MECOM: variants seen among roughly 807,000 people sequenced by gnomAD.
The protein encoded by MECOM is histone-lysine N-methyltransferase MECOM.
MECOM carries 13 observed loss-of-function variants against 116.3 expected under a neutral mutation model. The observed-to-expected ratio is 0.11, with a 90% CI of 0.07 to 0.18. The LOEUF (loss-of-function observed/expected upper bound fraction) is 0.18, where lower values mean the gene tolerates loss of function less well. MECOM is among the 10% of genes least tolerant of loss of function. The pLI, the probability that MECOM is intolerant of heterozygous loss-of-function variation, is 1.00. For synonymous variants in MECOM, 528 were observed against 535.2 expected (o/e 0.99, Z 0.19); for missense variants, 1,299 against 1,509.0 (o/e 0.86, Z 2.31).
intron 1 of MECOM, among the ~76,000 whole-genome samples, chr3:169,464,413 A>C (rs988788553): frequency 6.6e-6 from 1 of 152,104 alleles, no homozygotes; most frequent in African/African-American, 2.4e-5. Context: ...TCAAAACACT[A>C]TCCAAAAAAT....
intron 1 of MECOM, among the ~76,000 whole-genome samples, chr3:169,589,370 A>G (rs998957003): frequency 7.2e-5 from 11 of 152,096 alleles, no homozygotes; most frequent in African/African-American, 2.7e-4. Context: ...TGAAAATTTC[A>G]TAGATTGACA....
chr3:169,591,575 C>T (rs1291206638), intron 1 of MECOM, among the ~76,000 whole-genome samples: 1 of 152,178 alleles, frequency 6.6e-6, no homozygotes, highest in African/African-American at 2.4e-5. Flanking sequence ...CCTCTTCTGT[C>T]TGAGTCCAAA....
At chr3:169,579,849 A>G (rs1764912622) in intron 1 of MECOM, among the ~76,000 whole-genome samples, 1 of 152,206 alleles carries the variant, frequency 6.6e-6, no homozygotes, top group South Asian at 2.1e-4. Context: ...AGGAGACACA[A>G]AAGAATGCCA....
At chr3:169,166,839 G>T (rs1743673914) in intron 2 of MECOM, among the ~76,000 whole-genome samples, 1 of 152,164 alleles carries the variant, frequency 6.6e-6, no homozygotes, top group Non-Finnish European at 1.5e-5. Flanking sequence ...ATTATTGATT[G>T]ATTGAGACAG....
intron 2 of MECOM, among the ~76,000 whole-genome samples, chr3:169,263,763 T>A (rs1757924334): frequency 6.6e-6 from 1 of 152,172 alleles, no homozygotes; most frequent in South Asian, 2.1e-4. Context: ...TGTCTTTCTT[T>A]TTGTTTTAGC....
At chr3:169,218,265 A>G (rs1751667961) in intron 2 of MECOM, among the ~76,000 whole-genome samples, 1 of 152,234 alleles carries the variant, frequency 6.6e-6, no homozygotes, top group South Asian at 2.1e-4. Flanking sequence ...TTCATTTTTC[A>G]GAATGATCTT....
chr3:169,554,881 G>A (rs564155692), intron 1 of MECOM, among the ~76,000 whole-genome samples: 1 of 152,300 alleles, frequency 6.6e-6, no homozygotes, highest in African/African-American at 2.4e-5. Context: ...CAGTGATCCC[G>A]AGAGCAATGG....
At chr3:169,555,402 T>C (rs1262392710) in intron 1 of MECOM, among the ~76,000 whole-genome samples, 1 of 152,080 alleles carries the variant, frequency 6.6e-6, no homozygotes, top group Non-Finnish European at 1.5e-5. Context: ...GAGAAGGAAA[T>C]GGCCAGCCCC....
At chr3:169,322,360 T>G (rs987158978) in intron 2 of MECOM, among the ~76,000 whole-genome samples, 1 of 152,210 alleles carries the variant, frequency 6.6e-6, no homozygotes. Context: ...CAATTTTATT[T>G]TATTCATTCA....
rs138894990 is a variant in MECOM, at chr3:169,295,414, T to C, written c.375+85773A>G. On this transcript the variant is annotated intron_variant, in intron 2 of 16. Coordinates refer to ENST00000651503, the MANE Select transcript of MECOM (RefSeq NM_004991.4). ...GCTATTCTAAAATTATAAAGTGGTA[T>C]CAGAAATGTCTCAGATGATGATGTA... is the stretch of plus-strand genomic sequence containing the variant. Among the ~76,000 whole-genome samples the C allele has an allele frequency of 1.6e-3, 245 of 152,304 alleles. 5 individuals are homozygous for C. The East Asian group carries it at 0.045, about 28-fold the overall frequency.
chr3:169,244,801 A>G, intron 2 of MECOM, among the ~76,000 whole-genome samples: 1 of 152,236 alleles, frequency 6.6e-6, no homozygotes, highest in East Asian at 1.9e-4. Flanking sequence ...TTCCAACTCC[A>G]GATTTCAGAG....
At chr3:169,278,859 A>G (rs1357716867) in intron 2 of MECOM, among the ~76,000 whole-genome samples, 1 of 152,218 alleles carries the variant, frequency 6.6e-6, no homozygotes, top group Non-Finnish European at 1.5e-5. Context: ...GACAAGTCAT[A>G]TATTGGGAAC....
At chr3:169,555,422 G>A (rs1227143161) in intron 1 of MECOM, among the ~76,000 whole-genome samples, 1 of 152,144 alleles carries the variant, frequency 6.6e-6, no homozygotes, top group Non-Finnish European at 1.5e-5. Flanking sequence ...CCCGCCAATG[G>A]AGAATAAAGA....
At chr3:169,650,065 GTC>G (rs935135143) in intron 1 of MECOM, among the ~76,000 whole-genome samples, 1 of 152,128 alleles carries the variant, frequency 6.6e-6, no homozygotes, top group Admixed American at 6.5e-5. Context: ...CTTTTCAGAA[GTC>G]TCTCTATCCT....
intron 1 of MECOM, among the ~76,000 whole-genome samples, chr3:169,594,152 C>CAAAA (rs1302865186): frequency 1.7e-5 from 1 of 57,294 alleles, no homozygotes; most frequent in Admixed American, 1.7e-4. Context: ...CCACCACCAC[C>CAAAA]ACAAAAAAAA....
intron 1 of MECOM, among the ~76,000 whole-genome samples, chr3:169,432,790 T>C (rs1223240189): frequency 6.6e-6 from 1 of 152,192 alleles, no homozygotes; most frequent in Non-Finnish European, 1.5e-5. Flanking sequence ...AAACACACCT[T>C]CTTATAAGCA....
At chr3:169,128,082 T>C (rs1279526697) in intron 4 of MECOM, 22 bp from the exon 5 acceptor site, 1 of 1,610,804 alleles carries the variant, frequency 6.2e-7, no homozygotes, top group African/African-American at 1.3e-5. Context: ...ATTCAGGTGT[T>C]AGGATTGGGT....
chr3:169,230,901 C>G (rs1421337379), intron 2 of MECOM, among the ~76,000 whole-genome samples: 1 of 152,176 alleles, frequency 6.6e-6, no homozygotes, highest in Non-Finnish European at 1.5e-5. Flanking sequence ...TTTATCATAA[C>G]TTTGTTATTA....
At chr3:169,312,728 G>A (rs1229616864) in intron 2 of MECOM, among the ~76,000 whole-genome samples, 2 of 152,300 alleles carry the variant, frequency 1.3e-5, no homozygotes, top group African/African-American at 4.8e-5. Context: ...GAGGACACTA[G>A]GAGGAGCAGG....
Sources: gnomAD v4.1 joint callset for allele counts (sites outside exome capture counted in the v4.1 genomes callset) on GRCh38, gnomAD v4.1.1 for gene constraint, MANE v1.5 for transcripts, NCBI Gene and HGNC (gene_info 2026-07-23, HGNC 2026-07-21) for gene names.